Variants in MAP2K5 observed in about 807,000 individuals in gnomAD.
MAP2K5 encodes the protein dual specificity mitogen-activated protein kinase kinase 5.
MAP2K5 carries 49 observed loss-of-function variants against 83.1 expected under a neutral mutation model. The ratio of observed to expected loss-of-function variants is 0.59; its 90% confidence interval spans 0.47 to 0.75. The LOEUF (loss-of-function observed/expected upper bound fraction) is 0.75, where lower values mean the gene tolerates loss of function less well. Ranked by LOEUF, MAP2K5 falls within the 30% of genes least tolerant of loss-of-function variation. MAP2K5 has a pLI of 0.00. For missense variants in MAP2K5, 457 were observed against 557.5 expected, an observed-to-expected ratio of 0.82 and a Z score of 1.82; for synonymous variants, 202 against 191.8, an observed-to-expected ratio of 1.05 and a Z score of -0.44.
rs66818657 is a variant in MAP2K5, at chr15:67,708,153, A to G, written c.1044+4745A>G. Reference sequence around the variant, plus strand: ...CAACATAGCAAGACTCCATCTCTAAAAAAACAATTTTTTTTTTCATTTAGC... The same window carrying G: ...CAACATAGCAAGACTCCATCTCTAAGAAAACAATTTTTTTTTTCATTTAGC... On this transcript the variant is annotated intron_variant, in intron 16 of 21. Coordinates refer to ENST00000178640, the MANE Select transcript of MAP2K5 (RefSeq NM_145160.3). This position sits in a 1 kb window ranked among gnomAD's most constrained non-coding sequence, Gnocchi z 4.9. Among the ~76,000 whole-genome samples the G allele has an allele frequency of 0.14, 21,172 of 151,886 alleles. 1,581 individuals carry two copies. The highest frequency in any genetic ancestry group is 0.22 in the East Asian group (1,152 of 5,150).
At position 67,652,894 on chromosome 15, in the gene MAP2K5, AT is replaced by A. The variant is rs754356677; in HGVS notation, c.737-5657del. On this transcript the variant is annotated intron_variant, in intron 11 of 21. Coordinates refer to ENST00000178640, the MANE Select transcript of MAP2K5 (RefSeq NM_145160.3). The surrounding 1 kb of genome is among the most constrained non-coding windows in gnomAD (Gnocchi z 4.2). ...ATTGGAATCACACAGTATTTGTCTTATTGTGTCTGGCTTATTTCATTTTGCA... is the reference window on the plus strand; with the variant it reads ...ATTGGAATCACACAGTATTTGTCTTATGTGTCTGGCTTATTTCATTTTGCA... Among the ~76,000 whole-genome samples the A allele has an allele frequency of 3.4e-4, 52 of 152,206 alleles. No individual in the cohort carries two copies. Among genetic ancestry groups the A allele is most frequent in the African/African-American group, 1.2e-3 (49 of 41,512 alleles).
intron 1 of MAP2K5, chr15:67,549,261 T>A: frequency 7.1e-7 from 1 of 1,406,458 alleles, no homozygotes. Context: ...AATTTTCATG[T>A]GTTTTCAACT....
At chr15:67,714,179 G>T (rs1478242193) in intron 16 of MAP2K5, among the ~76,000 whole-genome samples, 2 of 151,994 alleles carry the variant, frequency 1.3e-5, no homozygotes, top group Non-Finnish European at 2.9e-5. Context: ...AAACACTTAT[G>T]TTTTTTGAAA....
chr15:67,602,167 C>T (rs988011368), intron 8 of MAP2K5, among the ~76,000 whole-genome samples: 4 of 152,294 alleles, frequency 2.6e-5, no homozygotes, highest in East Asian at 3.9e-4. Context: ...CCACTATAAA[C>T]GGTATCTTTT....
chr15:67,664,079 T>G (rs563417614), intron 12 of MAP2K5, among the ~76,000 whole-genome samples: 1 of 152,284 alleles, frequency 6.6e-6, no homozygotes, highest in African/African-American at 2.4e-5. Flanking sequence ...GTACCTTATC[T>G]TCAGAAGATT....
At chr15:67,799,453 C>T (rs142195400) in intron 21 of MAP2K5, among the ~76,000 whole-genome samples, 436 of 152,366 alleles carry the variant, frequency 2.9e-3, no homozygotes, top group Middle Eastern at 0.01. Context: ...CAACCCACTC[C>T]GGGAGGAAGA....
intron 3 of MAP2K5, among the ~76,000 whole-genome samples, chr15:67,579,626 C>G (rs1052065817): frequency 6.6e-6 from 1 of 151,934 alleles, no homozygotes; most frequent in Non-Finnish European, 1.5e-5. Context: ...TTAGTGCGAA[C>G]AGCCTTAGAT....
intron 8 of MAP2K5, among the ~76,000 whole-genome samples, chr15:67,602,121 C>A (rs1596630716): frequency 6.6e-6 from 1 of 152,194 alleles, no homozygotes; most frequent in Non-Finnish European, 1.5e-5. Context: ...TATTCTCTTT[C>A]CCTGGATCAT....
At chr15:67,547,888 A>G (rs1432622440) in intron 1 of MAP2K5, among the ~76,000 whole-genome samples, 2 of 152,256 alleles carry the variant, frequency 1.3e-5, no homozygotes, top group Non-Finnish European at 2.9e-5. Flanking sequence ...ACCCTGCTTT[A>G]AAATGACTAG....
intron 6 of MAP2K5, among the ~76,000 whole-genome samples, chr15:67,592,099 CA>C: frequency 1.1e-5 from 1 of 88,010 alleles, no homozygotes. Flanking sequence ...GTCTGGGCAA[CA>C]AGAGTGAAAC....
chr15:67,686,082 A>G (rs2087945024), intron 13 of MAP2K5, among the ~76,000 whole-genome samples: 1 of 152,228 alleles, frequency 6.6e-6, no homozygotes, highest in Non-Finnish European at 1.5e-5. Flanking sequence ...AGAAAGCAGG[A>G]AAAGAAGAGA....
chr15:67,606,460 G>A (rs1488672931), intron 8 of MAP2K5, among the ~76,000 whole-genome samples: 2 of 152,198 alleles, frequency 1.3e-5, no homozygotes, highest in South Asian at 4.1e-4. Flanking sequence ...AAGGTTGAAT[G>A]TATACCATTA....
intron 17 of MAP2K5, among the ~76,000 whole-genome samples, chr15:67,731,286 T>C (rs995053703): frequency 2.0e-5 from 3 of 152,114 alleles, no homozygotes; most frequent in Admixed American, 1.3e-4. Flanking sequence ...ACACAGTGTG[T>C]ACCCAGTGAG....
intron 8 of MAP2K5, among the ~76,000 whole-genome samples, chr15:67,606,847 A>G (rs928789737): frequency 1.3e-5 from 2 of 152,248 alleles, no homozygotes; most frequent in Non-Finnish European, 2.9e-5. Context: ...ATTTCAAAAC[A>G]TGGAATTCCT....
chr15:67,657,444 A>G (rs1393119194), intron 11 of MAP2K5, among the ~76,000 whole-genome samples: 2 of 152,158 alleles, frequency 1.3e-5, no homozygotes, highest in African/African-American at 4.8e-5. Flanking sequence ...TTTATCTGAA[A>G]GATCAATGAG....
At chr15:67,614,729 T>C (rs866150633) in intron 8 of MAP2K5, among the ~76,000 whole-genome samples, 4 of 152,246 alleles carry the variant, frequency 2.6e-5, no homozygotes, top group Middle Eastern at 3.4e-3. Context: ...GGAAGAAATA[T>C]GGAGGTAGTG....
intron 19 of MAP2K5, among the ~76,000 whole-genome samples, chr15:67,765,301 G>A (rs891331876): frequency 6.6e-6 from 1 of 152,234 alleles, no homozygotes; most frequent in Admixed American, 6.5e-5. Context: ...AGAGGTTGCA[G>A]TGAGCCAAGA....
chr15:67,666,515 T>G (rs1182217345), intron 13 of MAP2K5, among the ~76,000 whole-genome samples: 3 of 152,152 alleles, frequency 2.0e-5, no homozygotes, highest in African/African-American at 7.2e-5. Flanking sequence ...TATAAACCAC[T>G]TCATGATCAC....
intron 11 of MAP2K5, among the ~76,000 whole-genome samples, chr15:67,656,992 C>A (rs954647206): frequency 2.3e-4 from 35 of 152,090 alleles, no homozygotes; most frequent in African/African-American, 8.5e-4. Context: ...TCACCTATGA[C>A]GTTTATCTCT....
Sources: allele counts gnomAD v4.1 joint callset (sites outside exome capture counted in the v4.1 genomes callset), GRCh38; gene constraint gnomAD v4.1.1; non-coding constraint Gnocchi (gnomAD v3.1); transcripts MANE v1.5; gene names NCBI Gene and HGNC (gene_info 2026-07-23, HGNC 2026-07-21).